Variants in DDX31 observed in about 807,000 individuals in gnomAD.
DDX31 encodes the protein ATP-dependent DNA helicase DDX31.
A neutral mutation model predicts 91.3 loss-of-function variants in DDX31; 70 were observed. That is an observed-to-expected ratio of 0.77 (90% CI 0.63 to 0.94). The LOEUF (loss-of-function observed/expected upper bound fraction) is 0.94, where lower values mean the gene tolerates loss of function less well. DDX31 is among the 40% of genes least tolerant of loss of function. The pLI is 0.00. For synonymous variants in DDX31, 362 were observed against 350.6 expected, an observed-to-expected ratio of 1.03 and a Z score of -0.36; for missense variants, 902 against 925.0, an observed-to-expected ratio of 0.98 and a Z score of 0.32.
intron 13 of DDX31, among the ~76,000 whole-genome samples, chr9:132,644,472 T>C (rs1200157320): frequency 6.6e-6 from 1 of 152,102 alleles, no homozygotes; most frequent in African/African-American, 2.4e-5. Flanking sequence ...TACCTGAGAT[T>C]ACACAGCCAG....
chr9:132,652,585 C>G, intron 6 of DDX31, 93 bp from the exon 7 acceptor site: 1 of 1,474,202 alleles, frequency 6.8e-7, no homozygotes. Flanking sequence ...TGTAGAACAT[C>G]AGAAGCACTC....
At chr9:132,652,744 AG>A (rs1264983788) in intron 6 of DDX31, among the ~76,000 whole-genome samples, 1 of 152,064 alleles carries the variant, frequency 6.6e-6, no homozygotes, top group Non-Finnish European at 1.5e-5. Context: ...TAATTGAATC[AG>A]GGGGGCCGGT....
In DDX31 at chr9:132,647,069, A is replaced by C. The variant is rs1244231589; in HGVS notation, c.968-11T>G. 1 of 731,600 alleles carries C rather than the reference A, an allele frequency of 1.4e-6. No homozygotes were observed. 45.3% of individuals were successfully genotyped at this position (731,600 alleles called of 1,614,324 possible). ...CTAGCCGCGTTACACCTTGGATAAA[A>C]GTAAGAAGGGCAAAGCAGACAACAA... On this transcript the variant is annotated splice_polypyrimidine_tract_variant and intron_variant, in intron 11 of 19. Transcript: ENST00000372159.
intron 16 of DDX31, 28 bp downstream of exon 16, chr9:132,630,236 C>A: frequency 6.4e-7 from 1 of 1,557,842 alleles, no homozygotes; most frequent in Non-Finnish European, 8.8e-7. Context: ...TGAGACCAGC[C>A]GAAACCCCAT....
chr9:132,605,636 AACAG>A (rs1228374070), intron 19 of DDX31, among the ~76,000 whole-genome samples: 1 of 152,102 alleles, frequency 6.6e-6, no homozygotes, highest in Non-Finnish European at 1.5e-5. Context: ...CTGCCACCAC[AACAG>A]ACCAGGGCCA....
At chr9:132,635,036 T>C (rs910945630) in intron 14 of DDX31, among the ~76,000 whole-genome samples, 1 of 152,226 alleles carries the variant, frequency 6.6e-6, no homozygotes, top group South Asian at 2.1e-4. Flanking sequence ...AAAATGTTCC[T>C]GAGGACATCG....
chr9:132,649,592 T>C (rs2130783975), intron 9 of DDX31, among the ~76,000 whole-genome samples: 1 of 152,356 alleles, frequency 6.6e-6, no homozygotes, highest in East Asian at 1.9e-4. Flanking sequence ...CCACTGTTAT[T>C]TGTTATTATT....
At position 132,665,331 on chromosome 9, in the gene DDX31, C is replaced by T. The variant is rs561321829; in HGVS notation, c.76-2636G>A. On this transcript the variant is annotated intron_variant, in intron 1 of 19. Transcript: ENST00000372159. ...TCATTTAGCAGTTGTCAAGAAGCTTCGTTCTGAAGATACAAAGTAGATTTG... is the reference window on the plus strand; with the variant it reads ...TCATTTAGCAGTTGTCAAGAAGCTTTGTTCTGAAGATACAAAGTAGATTTG... Among the ~76,000 whole-genome samples, 16 of 152,292 alleles carry T rather than the reference C, an allele frequency of 1.1e-4. No individual in the cohort carries two copies. In the East Asian group the frequency reaches 3.1e-3, roughly 29 times the overall value.
chr9:132,602,148 A>C (rs1278171844), intron 19 of DDX31, among the ~76,000 whole-genome samples: 2 of 152,228 alleles, frequency 1.3e-5, no homozygotes, highest in Non-Finnish European at 2.9e-5. Flanking sequence ...TGGAAAATGA[A>C]AGTAGTGAAT....
At chr9:132,647,899 A>G (rs950829988) in intron 11 of DDX31, among the ~76,000 whole-genome samples, 8 of 152,320 alleles carry the variant, frequency 5.3e-5, no homozygotes, top group African/African-American at 1.9e-4. Context: ...CAAGTGCACA[A>G]AAACCTCATG....
intron 8 of DDX31, 142 bp downstream of exon 8, chr9:132,650,933 T>C (rs888917572): frequency 8.5e-6 from 7 of 827,472 alleles, no homozygotes; most frequent in South Asian, 8.2e-5. Context: ...TAAAAACCTA[T>C]AAACTGCCTA....
At chr9:132,669,609 T>TCTAGGCGCAGGAGCCAGCTCCCCGCCC in intron 1 of DDX31, 1 of 1,520,132 alleles carries the variant, frequency 6.6e-7, no homozygotes, top group Non-Finnish European at 8.8e-7. Context: ...CCTTTACTTT[T>TCTAGGCGCAGGAGCCAGCTCCCCGCCC]CTAGGCGCAG....
At chr9:132,608,502 T>A (rs1831148230) in intron 19 of DDX31, among the ~76,000 whole-genome samples, 1 of 152,160 alleles carries the variant, frequency 6.6e-6, no homozygotes, top group African/African-American at 2.4e-5. Flanking sequence ...AACAGCCTCC[T>A]CACTAACCTG....
At chr9:132,655,751 A>G (rs1296838065) in intron 6 of DDX31, among the ~76,000 whole-genome samples, 2 of 152,254 alleles carry the variant, frequency 1.3e-5, no homozygotes, top group East Asian at 3.8e-4. Flanking sequence ...AAAGTGCTCA[A>G]AGACACTGAA....
chr9:132,655,844 G>A (rs923561761), intron 6 of DDX31, among the ~76,000 whole-genome samples: 8 of 152,134 alleles, frequency 5.3e-5, no homozygotes, highest in African/African-American at 1.9e-4. Context: ...TTCGTGTTTT[G>A]CATAAGAAAC....
Position 132,611,812 on chromosome 9 carries a change from TAC to T in DDX31, c.1994+273_1994+274del, listed in dbSNP as rs144534015. On this transcript the variant is annotated intron_variant, in intron 19 of 19. Transcript: ENST00000372159. ...ACACAGAACACACCAGAATGTGTCATACACATCTCGGATGCTTTCCAGGGCGG... is the reference window on the plus strand; with the variant it reads ...ACACAGAACACACCAGAATGTGTCATACATCTCGGATGCTTTCCAGGGCGG... 5.8e-3 allele frequency among the ~76,000 whole-genome samples: 888 copies of T among 152,048 alleles called. 11 individuals carry two copies. Among genetic ancestry groups the T allele is most frequent in the African/African-American group, 0.02 (835 of 41,470 alleles).
intron 19 of DDX31, among the ~76,000 whole-genome samples, chr9:132,598,871 C>G (rs1830581623): frequency 6.6e-6 from 1 of 152,204 alleles, no homozygotes; most frequent in African/African-American, 2.4e-5. Flanking sequence ...TTAATTCCAT[C>G]TAAGTTTTAT....
At chr9:132,607,829 T>TA (rs1333232232) in intron 19 of DDX31, among the ~76,000 whole-genome samples, 1 of 152,172 alleles carries the variant, frequency 6.6e-6, no homozygotes, top group African/African-American at 2.4e-5. Context: ...GTGCCCAGCC[T>TA]AACACTAAGA....
At chr9:132,599,513 T>C (rs562197478) in intron 19 of DDX31, among the ~76,000 whole-genome samples, 1 of 152,390 alleles carries the variant, frequency 6.6e-6, no homozygotes, top group East Asian at 1.9e-4. Context: ...AGCTTTTCCC[T>C]ATGTCCTGTA....
Sources: gnomAD v4.1 joint callset for allele counts (sites outside exome capture counted in the v4.1 genomes callset) on GRCh38, gnomAD v4.1.1 for gene constraint, MANE v1.5 for transcripts, NCBI Gene and HGNC (gene_info 2026-07-23, HGNC 2026-07-21) for gene names.